Variants in PLD5 observed in about 807,000 individuals in gnomAD.
PLD5 encodes phospholipase D family member 5.
A neutral mutation model predicts 61.1 loss-of-function variants in PLD5; 36 were observed. That is an observed-to-expected ratio of 0.59 (90% CI 0.45 to 0.78). PLD5 has a LOEUF of 0.78. Ranked by LOEUF, PLD5 falls within the 30% of genes least tolerant of loss-of-function variation. The pLI is 0.00. For missense variants in PLD5, 515 were observed against 644.4 expected, an observed-to-expected ratio of 0.80 and a Z score of 2.17; for synonymous variants, 243 against 242.8, an observed-to-expected ratio of 1.00 and a Z score of -0.01.
intron 2 of PLD5, among the ~76,000 whole-genome samples, chr1:242,311,553 G>C (rs1242243723): frequency 6.6e-6 from 1 of 152,144 alleles, no homozygotes; most frequent in African/African-American, 2.4e-5. Flanking sequence ...TTTCTTAGTT[G>C]TTTGGTTTCA....
chr1:242,314,107 G>A (rs891131525), intron 2 of PLD5, among the ~76,000 whole-genome samples: 17 of 152,126 alleles, frequency 1.1e-4, no homozygotes, highest in Non-Finnish European at 2.2e-4. Flanking sequence ...TCCCAACCTC[G>A]AGAAGGTTGG....
chr1:242,090,863 C>T lies in PLD5; in HGVS notation c.1355-753G>A, dbSNP rs113764289. 1.2e-3 allele frequency among the ~76,000 whole-genome samples: 188 copies of T among 152,202 alleles called. 1 individual carries two copies. The highest frequency in any genetic ancestry group is 5.8e-3 in the South Asian group (28 of 4,814). ...GAGGGATCTGTTCCAGACCTTTATCCGTGGCTTGTAGATGGACATTTTCTA... is the reference window on the plus strand; with the variant it reads ...GAGGGATCTGTTCCAGACCTTTATCTGTGGCTTGTAGATGGACATTTTCTA... On this transcript the variant is annotated intron_variant, in intron 9 of 9. Transcript: ENST00000536534.
chr1:242,135,403 C>T (rs757733752), intron 5 of PLD5, among the ~76,000 whole-genome samples: 26 of 152,188 alleles, frequency 1.7e-4, no homozygotes, highest in African/African-American at 4.1e-4. Context: ...AAAAGGGTCA[C>T]GGACATGCAG....
chr1:242,119,339 G>T (rs1012515011), intron 6 of PLD5, among the ~76,000 whole-genome samples: 8 of 152,052 alleles, frequency 5.3e-5, no homozygotes, highest in African/African-American at 1.4e-4. Flanking sequence ...TGGAATGAAA[G>T]AAATAAAATA....
intron 3 of PLD5, among the ~76,000 whole-genome samples, chr1:242,278,490 G>A (rs1674536745): frequency 6.6e-6 from 1 of 152,104 alleles, no homozygotes; most frequent in Admixed American, 6.6e-5. Flanking sequence ...ACATAATCAG[G>A]ATTACTCAAC....
At position 242,207,205 on chromosome 1, in the gene PLD5, G is replaced by A. The variant is rs559254797; in HGVS notation, c.735+12783C>T. On this transcript the variant is annotated intron_variant, in intron 5 of 9. Transcript: ENST00000536534. ...ATGATTGACCAAACAACTGGGCACC[G>A]GAGCCCAGCCAAGTTGACTCATTAA... Among the ~76,000 whole-genome samples, 17 of 152,222 alleles carry A rather than the reference G, an allele frequency of 1.1e-4. 1 individual carries two copies. Among genetic ancestry groups the A allele is most frequent in the African/African-American group, 3.4e-4 (14 of 41,556 alleles).
rs1665714591 is a variant in PLD5 at position 242,160,189 on chromosome 1, T to C, written c.736-35524A>G. ...ACCACATCTGGCTAATTAATTTTTG[T>C]CTATTTTCTTTTTAGAGAGAGGGGA... On this transcript the variant is annotated intron_variant, in intron 5 of 9. Coordinates refer to ENST00000536534, the MANE Select transcript of PLD5 (RefSeq NM_001372062.1). Among the ~76,000 whole-genome samples the C allele has an allele frequency of 3.3e-5, 5 of 152,074 alleles. No homozygotes were observed. In the South Asian group the frequency reaches 1.0e-3, roughly 32 times the overall value.
At chr1:242,241,066 G>A (rs1041639008) in intron 4 of PLD5, among the ~76,000 whole-genome samples, 1 of 152,094 alleles carries the variant, frequency 6.6e-6, no homozygotes, top group Non-Finnish European at 1.5e-5. Flanking sequence ...AGGAAATAGC[G>A]TTTGAGGAAC....
In PLD5 at chr1:242,087,494, G is replaced by T. The variant is rs560538167; in HGVS notation, c.*2360C>A. On this transcript the variant is annotated 3_prime_UTR_variant, in exon 10 of 10. Transcript: ENST00000536534. ...GAACTAACAAATTTTAGTTTATTTG[G>T]TTTTTTTTTCTCCCTTTAGATGTCC... 35 of 151,328 alleles carry T rather than the reference G, an allele frequency of 2.3e-4. No homozygotes were observed. The highest frequency in any genetic ancestry group is 3.0e-4 in the Non-Finnish European group (20 of 67,756). The allele number at this position is 151,328 out of a possible 1,614,324, so 9.4% of individuals were successfully genotyped here. A position where few individuals can be genotyped will look rare whatever the true frequency, so the allele number is the denominator to read the frequency against.
chr1:242,522,586 C>T (rs114585579), intron 1 of PLD5, among the ~76,000 whole-genome samples: 1 of 152,198 alleles, frequency 6.6e-6, no homozygotes, highest in African/African-American at 2.4e-5. Context: ...AACGAAGATA[C>T]GTTCTATCAC....
chr1:242,447,440 T>C (rs1666589737), intron 1 of PLD5, among the ~76,000 whole-genome samples: 1 of 152,264 alleles, frequency 6.6e-6, no homozygotes, highest in Non-Finnish European at 1.5e-5. Flanking sequence ...ATCCAATCTA[T>C]AGATTCACTC....
chr1:242,298,789 G>C (rs550829069), intron 2 of PLD5, among the ~76,000 whole-genome samples: 1 of 152,140 alleles, frequency 6.6e-6, no homozygotes, highest in African/African-American at 2.4e-5. Context: ...GAAAACTGTG[G>C]TGACAGAAGG....
chr1:242,439,639 T>G (rs987955343), intron 1 of PLD5, among the ~76,000 whole-genome samples: 1 of 152,200 alleles, frequency 6.6e-6, no homozygotes, highest in African/African-American at 2.4e-5. Flanking sequence ...ATGATGACTT[T>G]CTGCAGAAAT....
intron 1 of PLD5, among the ~76,000 whole-genome samples, chr1:242,486,152 T>C (rs1488500073): frequency 1.3e-5 from 2 of 152,104 alleles, no homozygotes; most frequent in African/African-American, 4.8e-5. Context: ...GACATAGGCA[T>C]GGGCAAGGAC....
chr1:242,382,536 A>G (rs1037797706), intron 1 of PLD5, among the ~76,000 whole-genome samples: 2 of 152,140 alleles, frequency 1.3e-5, no homozygotes, highest in Non-Finnish European at 2.9e-5. Flanking sequence ...CTCTGCCCCA[A>G]GTTGCTAAGC....
At chr1:242,268,393 G>A (rs1558414671) in intron 3 of PLD5, among the ~76,000 whole-genome samples, 2 of 152,134 alleles carry the variant, frequency 1.3e-5, no homozygotes, top group Non-Finnish European at 2.9e-5. Flanking sequence ...ATTTGGCACC[G>A]ATGAAACATT....
chr1:242,525,410 A>G (rs951213852), upstream of PLD5, among the ~76,000 whole-genome samples: 2 of 152,128 alleles, frequency 1.3e-5, no homozygotes, highest in African/African-American at 2.4e-5. Flanking sequence ...ACGTGGCCCA[A>G]CTGCTGTGCA....
intron 5 of PLD5, among the ~76,000 whole-genome samples, chr1:242,206,535 C>T (rs181183146): frequency 1.7e-4 from 26 of 152,340 alleles, no homozygotes; most frequent in Non-Finnish European, 3.2e-4. Context: ...AACTTAACTA[C>T]TAATAGCCTA....
chr1:242,217,991 G>A (rs531198388), intron 5 of PLD5, among the ~76,000 whole-genome samples: 3 of 152,336 alleles, frequency 2.0e-5, no homozygotes, highest in Non-Finnish European at 2.9e-5. Flanking sequence ...AAGGGATTGA[G>A]AGGACTGACT....
Sources: allele counts gnomAD v4.1 joint callset (sites outside exome capture counted in the v4.1 genomes callset), GRCh38; gene constraint gnomAD v4.1.1; transcripts MANE v1.5; gene names NCBI Gene and HGNC (gene_info 2026-07-23, HGNC 2026-07-21).